Variants in PSG9 observed in about 807,000 individuals in gnomAD.
PSG9 encodes pregnancy specific beta-1-glycoprotein 9.
A neutral mutation model predicts 41.9 loss-of-function variants in PSG9; 49 were observed. The observed-to-expected ratio is 1.17, with a 90% CI of 0.93 to 1.48. PSG9 has a LOEUF of 1.48. Ranked by LOEUF, PSG9 falls within the 40% of genes most tolerant of loss-of-function variation. The probability of loss-of-function intolerance (pLI) is 0.00; values close to 1 mark genes in which losing one functional copy is unlikely to be tolerated. For synonymous variants in PSG9, 263 were observed against 196.8 expected, an observed-to-expected ratio of 1.34 and a Z score of -2.82; for missense variants, 641 against 520.3, an observed-to-expected ratio of 1.23 and a Z score of -2.26.
chr19:43,264,906 G>T (rs1489960214), intron 2 of PSG9, among the ~76,000 whole-genome samples: 1 of 152,154 alleles, frequency 6.6e-6, no homozygotes, highest in Non-Finnish European at 1.5e-5. Flanking sequence ...TCCATAGCAG[G>T]TTGAGGATGG....
intron 2 of PSG9, among the ~76,000 whole-genome samples, chr19:43,263,550 G>A (rs1173205328): frequency 2.7e-5 from 4 of 150,762 alleles, no homozygotes; most frequent in Non-Finnish European, 5.9e-5. Context: ...ATAAAAAGTT[G>A]TCAGGAGTTT....
Position 43,267,873 on chromosome 19 carries a change from C to T in PSG9, c.341G>A (p.Arg114Gln), listed in dbSNP as rs200509737. Reference protein sequence around the residue: ...NASLLIQNVTRKDAGTYTLHI... With the variant: ...NASLLIQNVTQKDAGTYTLHI... ...TAAGGTGTAGGTTCCTGCATCCTTCCGGGTGACATTCTGGATCAGCAGGGA... is the reference window on the plus strand; with the variant it reads ...TAAGGTGTAGGTTCCTGCATCCTTCTGGGTGACATTCTGGATCAGCAGGGA... The change falls in exon 2 of 6, where the codon CGG becomes CAG. Residue 114 changes from arginine to glutamine, a missense_variant. Transcript: ENST00000270077. 4.4e-5 allele frequency: 71 copies of T among 1,613,766 alleles called. 1 individual carries two copies. Among genetic ancestry groups the T allele is most frequent in the African/African-American group, 1.6e-4 (12 of 74,992 alleles).
Position 43,262,121 on chromosome 19 carries a change from A to G in PSG9, c.448T>C (p.Tyr150His), listed in dbSNP as rs760296090. 3 of 1,613,536 alleles carry G rather than the reference A, an allele frequency of 1.9e-6. No individual in the cohort carries two copies. The highest frequency in any genetic ancestry group is 2.2e-5 in the East Asian group (1 of 44,884). ...GGGTTTAAGTTGCTGCTGGAGATGT[A>G]GGGCTTGGGAGTCTCCACTGTGCAG... is the stretch of plus-strand genomic sequence containing the variant. Reference protein sequence around the residue: ...FTLYLETPKPYISSSNLNPRE... With the variant: ...FTLYLETPKPHISSSNLNPRE... The change falls in exon 3 of 6, where the codon TAC becomes CAC. Residue 150 changes from tyrosine to histidine, a missense_variant. By Grantham distance (83) the Tyr-to-His change is moderately conservative. Transcript: ENST00000270077.
Position 43,261,854 on chromosome 19 carries a change from A to C in PSG9, c.709+6T>G, listed in dbSNP as rs1313103414. On this transcript the variant is annotated splice_donor_region_variant and intron_variant, in intron 3 of 5. Transcript: ENST00000270077. ...CCTGGCTCACAGAGGAACAGAAGAT[A>C]CTCACGGAGGAGATTCAGGGTGACT... 1 of 1,613,820 alleles carries C rather than the reference A, an allele frequency of 6.2e-7. No homozygotes were observed.
At position 43,258,196 on chromosome 19, in the gene PSG9, A is replaced by T. The variant is rs1320129800; in HGVS notation, c.1243+6T>A. 6.3e-7 allele frequency: 1 copy of T among 1,592,758 alleles called. No homozygotes were observed. Among genetic ancestry groups the T allele is most frequent in the South Asian group, 1.1e-5 (1 of 89,972 alleles). On this transcript the variant is annotated splice_donor_region_variant and intron_variant, in intron 5 of 5. Transcript: ENST00000270077. ...CCTACTGCCAAGGATGCTGGGATCCACTTACCAGAGACTTTGACTGTCATG... is the reference window on the plus strand; with the variant it reads ...CCTACTGCCAAGGATGCTGGGATCCTCTTACCAGAGACTTTGACTGTCATG...
At chr19:43,255,805 G>A (rs370421656) in intron 5 of PSG9, among the ~76,000 whole-genome samples, 1 of 146,454 alleles carries the variant, frequency 6.8e-6, no homozygotes, top group African/African-American at 2.6e-5. Flanking sequence ...TCAAAGAGGT[G>A]AAATGATTAT....
At position 43,257,669 on chromosome 19, in the gene PSG9, A is replaced by G. The variant is rs576682191; in HGVS notation, c.1243+533T>C. 260 of 1,067,380 alleles carry G rather than the reference A, an allele frequency of 2.4e-4. 38 individuals carry two copies. The African/African-American group carries it at 4.3e-3, about 18-fold the overall frequency. 66.1% of individuals were successfully genotyped at this position (1,067,380 alleles called of 1,614,324 possible). A position where few individuals can be genotyped will look rare whatever the true frequency, so the allele number is the denominator to read the frequency against. On this transcript the variant is annotated intron_variant, in intron 5 of 5. Transcript: ENST00000270077. ...CCAGGGCCCTTTCTACACACACGCT[A>G]GTCCCACCCCAGGTTGAGTGAGGCA...
At chr19:43,268,534 A>G (rs2122137525) in intron 1 of PSG9, among the ~76,000 whole-genome samples, 1 of 151,964 alleles carries the variant, frequency 6.6e-6, no homozygotes, top group Non-Finnish European at 1.5e-5. Context: ...TCCCTTTCTG[A>G]CCTTTCCCTG....
intron 1 of PSG9, among the ~76,000 whole-genome samples, chr19:43,268,600 G>A (rs57501188): frequency 0.043 from 6,542 of 152,054 alleles, 376 homozygotes; most frequent in African/African-American, 0.13. Flanking sequence ...ACATCTCTTC[G>A]CATGTCTGTC....
chr19:43,253,545 T>C lies in PSG9; in HGVS notation c.*64A>G. 3.1e-6 allele frequency: 2 copies of C among 642,506 alleles called. No homozygotes were observed. The highest frequency in any genetic ancestry group is 5.5e-6 in the Non-Finnish European group (2 of 360,740). 39.8% of individuals were successfully genotyped at this position (642,506 alleles called of 1,614,324 possible). A position where few individuals can be genotyped will look rare whatever the true frequency, so the allele number is the denominator to read the frequency against. On this transcript the variant is annotated 3_prime_UTR_variant, in exon 6 of 6. Coordinates refer to ENST00000270077, the MANE Select transcript of PSG9 (RefSeq NM_002784.5). Reference sequence around the variant, plus strand: ...GTCCAATAACATTGAGTTTTTTTCTTCTTTGTCTTGAATTTCATGAAGGTA... The same window carrying C: ...GTCCAATAACATTGAGTTTTTTTCTCCTTTGTCTTGAATTTCATGAAGGTA...
In PSG9 at chr19:43,267,890, C is replaced by A; in HGVS notation, c.324G>T (p.Leu108=). 6.2e-7 allele frequency: 1 copy of A among 1,613,808 alleles called. No individual in the cohort carries two copies. The change falls in exon 2 of 6, where the codon CTG becomes CTT. Residue 108 remains leucine (L), a synonymous_variant. Coordinates refer to ENST00000270077, the MANE Select transcript of PSG9 (RefSeq NM_002784.5). ...RETVYSNASL[L]IQNVTRKDAG... is the part of the protein sequence containing the mutation. ...CATCCTTCCGGGTGACATTCTGGAT[C>A]AGCAGGGATGCGTTGGAATATACTG...
chr19:43,265,487 GC>G (rs1968923672), intron 2 of PSG9, among the ~76,000 whole-genome samples: 1 of 152,070 alleles, frequency 6.6e-6, no homozygotes, highest in Non-Finnish European at 1.5e-5. Context: ...GCAGATTCAA[GC>G]ACAAACAAAT....
At chr19:43,257,382 A>G (rs1403703753) in intron 5 of PSG9, 15 of 975,194 alleles carry the variant, frequency 1.5e-5, no homozygotes, top group Non-Finnish European at 1.8e-5. Context: ...ATAATTACAC[A>G]CTTTTTGGCA....
In PSG9 at chr19:43,253,516, T is replaced by C. The variant is rs10417442; in HGVS notation, c.*93A>G. ...TATGAAAACATTATCCTTTTGATTA[T>C]TTAGTCCAATAACATTGAGTTTTTT... On this transcript the variant is annotated 3_prime_UTR_variant, in exon 6 of 6. Transcript: ENST00000270077. The C allele has an allele frequency of 4.4e-3, 2,212 of 507,838 alleles. 317 individuals are homozygous for C. Among genetic ancestry groups the C allele is most frequent in the African/African-American group, 0.042 (2,000 of 47,578 alleles). 31.5% of individuals were successfully genotyped at this position (507,838 alleles called of 1,614,324 possible).
At chr19:43,258,167 A>C in intron 5 of PSG9, 35 bp downstream of exon 5, 1 of 1,592,102 alleles carries the variant, frequency 6.3e-7, no homozygotes, top group Non-Finnish European at 8.5e-7. Context: ...ACTCCACATA[A>C]AACCCTACTG....
At chr19:43,262,189 C>T (rs370533149) in intron 2 of PSG9, 51 bp from the exon 3 acceptor site, 6 of 1,576,488 alleles carry the variant, frequency 3.8e-6, no homozygotes, top group Non-Finnish European at 5.2e-6. Flanking sequence ...TTTGATTCCT[C>T]CAAAGGCATT....
intron 5 of PSG9, 160 bp downstream of exon 5, chr19:43,258,042 G>T (rs772543790): frequency 1.9e-6 from 3 of 1,577,088 alleles, no homozygotes; most frequent in Admixed American, 1.8e-5. Flanking sequence ...GGAGAAGAGA[G>T]TCTGTAGAGA....
chr19:43,266,334 A>G (rs568272619), intron 2 of PSG9, among the ~76,000 whole-genome samples: 163 of 151,538 alleles, frequency 1.1e-3, no homozygotes, highest in African/African-American at 3.8e-3. Flanking sequence ...GTGTGGCTAG[A>G]ACCTCCTAGG....
At chr19:43,267,707 G>C (rs995518010) in intron 2 of PSG9, 77 bp downstream of exon 2, 37 of 1,594,616 alleles carry the variant, frequency 2.3e-5, no homozygotes, top group Non-Finnish European at 3.1e-5. Flanking sequence ...GCAGAGTCCA[G>C]GCCTGACAAT....
Sources: gnomAD v4.1 joint callset for allele counts (sites outside exome capture counted in the v4.1 genomes callset) on GRCh38, gnomAD v4.1.1 for gene constraint, MANE v1.5 for transcripts, NCBI Gene and HGNC (gene_info 2026-07-23, HGNC 2026-07-21) for gene names.